The following SLC4A10 variants were observed in gnomAD, a reference collection of about 807,000 sequenced individuals.
SLC4A10 encodes the protein solute carrier family 4 member 10.
A neutral mutation model predicts 137.7 loss-of-function variants in SLC4A10; 42 were observed. The observed-to-expected ratio is 0.30, with a 90% CI of 0.24 to 0.39. The LOEUF (loss-of-function observed/expected upper bound fraction) is 0.39, where lower values mean the gene tolerates loss of function less well. Ranked by LOEUF, SLC4A10 falls within the 10% of genes least tolerant of loss-of-function variation. SLC4A10 has a pLI of 1.00. For synonymous variants in SLC4A10, 474 were observed against 464.1 expected (o/e 1.02, Z -0.27); for missense variants, 925 against 1,355.0 (o/e 0.68, Z 4.98).
intron 1 of SLC4A10, among the ~76,000 whole-genome samples, chr2:161,700,232 A>G (rs888231509): frequency 3.3e-5 from 5 of 152,190 alleles, no homozygotes; most frequent in Admixed American, 2.6e-4. Flanking sequence ...TAGGAAACCT[A>G]TAGAGAGTTT....
At chr2:161,807,685 A>T (rs1395255118) in intron 3 of SLC4A10, among the ~76,000 whole-genome samples, 1 of 152,182 alleles carries the variant, frequency 6.6e-6, no homozygotes, top group Non-Finnish European at 1.5e-5. Flanking sequence ...TAATACTAGT[A>T]TTCTAAATAT....
At chr2:161,677,485 A>T (rs957542888) in intron 1 of SLC4A10, among the ~76,000 whole-genome samples, 1 of 152,180 alleles carries the variant, frequency 6.6e-6, no homozygotes, top group Non-Finnish European at 1.5e-5. Flanking sequence ...ACTTAACAAG[A>T]TATCTTATTC....
At chr2:161,886,908 A>G (rs1459728433) in intron 10 of SLC4A10, among the ~76,000 whole-genome samples, 1 of 152,096 alleles carries the variant, frequency 6.6e-6, no homozygotes, top group East Asian at 1.9e-4. Flanking sequence ...CGTCATCTAC[A>G]TTAGGTATTT....
chr2:161,638,061 T>C (rs755603045), intron 1 of SLC4A10, among the ~76,000 whole-genome samples: 22 of 152,180 alleles, frequency 1.4e-4, no homozygotes, highest in Non-Finnish European at 2.9e-4. Flanking sequence ...GGTTTGCAAG[T>C]GTTTTCTCCA....
At chr2:161,845,966 A>C (rs1449563008) in intron 4 of SLC4A10, among the ~76,000 whole-genome samples, 1 of 152,144 alleles carries the variant, frequency 6.6e-6, no homozygotes, top group Non-Finnish European at 1.5e-5. Flanking sequence ...CGTAAAAGGA[A>C]ATATTTATAG....
intron 1 of SLC4A10, among the ~76,000 whole-genome samples, chr2:161,686,850 A>G (rs1199945201): frequency 6.6e-6 from 1 of 151,136 alleles, no homozygotes; most frequent in Non-Finnish European, 1.5e-5. Context: ...CTGGTTGCCC[A>G]TTTTTTTGGT....
At chr2:161,915,458 C>G (rs970312779) in intron 15 of SLC4A10, among the ~76,000 whole-genome samples, 1 of 152,140 alleles carries the variant, frequency 6.6e-6, no homozygotes, top group African/African-American at 2.4e-5. Context: ...AATTTTGGTA[C>G]TCAAACAGGC....
intron 1 of SLC4A10, among the ~76,000 whole-genome samples, chr2:161,767,198 GTGTGTATATATATATACACATA>G (rs1428853798): frequency 1.9e-5 from 2 of 106,290 alleles, no homozygotes; most frequent in African/African-American, 3.6e-5. Flanking sequence ...GTGTGTGTGT[GTGTGTATATATATATACACATA>G]TATATATATA....
chr2:161,802,602 A>T (rs960515147), intron 2 of SLC4A10, among the ~76,000 whole-genome samples: 4 of 152,148 alleles, frequency 2.6e-5, no homozygotes, highest in Non-Finnish European at 5.9e-5. Flanking sequence ...TTGCTGTATT[A>T]GTTGACTGGG....
At chr2:161,624,654 G>A in intron 1 of SLC4A10, 88 bp downstream of exon 1, 4 of 1,533,478 alleles carry the variant, frequency 2.6e-6, no homozygotes, top group Non-Finnish European at 3.5e-6. Flanking sequence ...TGCAGCGAGT[G>A]TACTTTTGGG....
intron 1 of SLC4A10, among the ~76,000 whole-genome samples, chr2:161,680,462 C>T (rs991391071): frequency 3.3e-5 from 5 of 151,766 alleles, no homozygotes; most frequent in Non-Finnish European, 7.4e-5. Context: ...GGAAAGATGG[C>T]CTGTGTTGGA....
intron 1 of SLC4A10, among the ~76,000 whole-genome samples, chr2:161,703,409 T>G (rs13417851): frequency 0.12 from 17,810 of 151,592 alleles, 1,115 homozygotes; most frequent in African/African-American, 0.17. Flanking sequence ...TGGTAAAGAT[T>G]AATAGTTTAC....
At chr2:161,895,363 C>T (rs1240073594) in intron 11 of SLC4A10, among the ~76,000 whole-genome samples, 1 of 152,058 alleles carries the variant, frequency 6.6e-6, no homozygotes, top group Non-Finnish European at 1.5e-5. Context: ...AATAGTGCCG[C>T]AATAAACATA....
At chr2:161,828,936 A>AGAATAATTCTATTAGAATTATTCTATTT (rs2058236088) in intron 3 of SLC4A10, among the ~76,000 whole-genome samples, 1 of 149,730 alleles carries the variant, frequency 6.7e-6, no homozygotes, top group South Asian at 2.2e-4. Flanking sequence ...TTATTCTATT[A>AGAATAATTCTATTAGAATTATTCTATTT]GAATAATTCT....
intron 26 of SLC4A10, among the ~76,000 whole-genome samples, chr2:161,978,372 G>A (rs1367430325): frequency 3.8e-5 from 4 of 106,514 alleles, no homozygotes; most frequent in Non-Finnish European, 6.9e-5. Context: ...GGGCAACAGA[G>A]AGAGACTCTG....
chr2:161,866,249 C>T (rs1484500179), intron 6 of SLC4A10, among the ~76,000 whole-genome samples: 6 of 151,972 alleles, frequency 3.9e-5, no homozygotes, highest in East Asian at 1.9e-4. Flanking sequence ...GTATTTCAAA[C>T]GGGGTCTTCC....
At chr2:161,788,577 C>T (rs1252822580) in intron 2 of SLC4A10, among the ~76,000 whole-genome samples, 1 of 152,088 alleles carries the variant, frequency 6.6e-6, no homozygotes, top group African/African-American at 2.4e-5. Flanking sequence ...ACCTTTCTGT[C>T]ACAGGGCTCA....
chr2:161,870,510 A>G (rs72881037), intron 6 of SLC4A10, among the ~76,000 whole-genome samples: 9,198 of 151,894 alleles, frequency 0.061, 367 homozygotes, highest in East Asian at 0.13. Flanking sequence ...TTCACCACTC[A>G]ATTTTACAGA....
intron 1 of SLC4A10, among the ~76,000 whole-genome samples, chr2:161,653,140 T>A (rs2037040702): frequency 6.6e-6 from 1 of 152,174 alleles, no homozygotes; most frequent in Non-Finnish European, 1.5e-5. Context: ...CCGAGAATGA[T>A]GGTTTCCAGC....
Sources: allele counts gnomAD v4.1 joint callset (sites outside exome capture counted in the v4.1 genomes callset), GRCh38; gene constraint gnomAD v4.1.1; transcripts MANE v1.5; gene names NCBI Gene and HGNC (gene_info 2026-07-23, HGNC 2026-07-21).